Variants in ATG10 observed in about 807,000 individuals in gnomAD.
ATG10 encodes autophagy related 10.
ATG10 carries 30 observed loss-of-function variants against 32.1 expected under a neutral mutation model. The ratio of observed to expected loss-of-function variants is 0.94; its 90% CI spans 0.70 to 1.27. ATG10 has a LOEUF of 1.27. Among genes scored for constraint, ATG10 ranks in the 50% most tolerant of loss-of-function variants. ATG10 has a pLI of 0.00. For missense variants in ATG10, 233 were observed against 262.3 expected (o/e 0.89, Z 0.77); for synonymous variants, 87 against 91.5 (o/e 0.95, Z 0.28).
intron 5 of ATG10, among the ~76,000 whole-genome samples, chr5:82,231,316 T>G (rs1443509258): frequency 6.6e-6 from 1 of 152,226 alleles, no homozygotes; most frequent in African/African-American, 2.4e-5. Flanking sequence ...TAGACTATAC[T>G]TTTTAAAAAT....
chr5:82,231,425 A>C (rs1432442673), intron 5 of ATG10, among the ~76,000 whole-genome samples: 5 of 152,182 alleles, frequency 3.3e-5, no homozygotes, highest in African/African-American at 1.2e-4. Flanking sequence ...TGTCTCCCCT[A>C]ATACCTTACT....
At chr5:82,136,756 C>G (rs141127842) in intron 3 of ATG10, among the ~76,000 whole-genome samples, 1,790 of 152,156 alleles carry the variant, frequency 0.012, 19 homozygotes, top group African/African-American at 0.04. Flanking sequence ...GAGTGTTGGC[C>G]TGTTTTGCTA....
intron 3 of ATG10, among the ~76,000 whole-genome samples, chr5:82,162,776 C>T (rs1206824674): frequency 3.1e-5 from 4 of 128,574 alleles, no homozygotes; most frequent in Non-Finnish European, 6.1e-5. Context: ...GCAGGATGCC[C>T]ACGAGTGAAA....
chr5:82,138,979 A>C (rs1339305027), intron 3 of ATG10, among the ~76,000 whole-genome samples: 4 of 150,006 alleles, frequency 2.7e-5, no homozygotes, highest in Non-Finnish European at 5.9e-5. Context: ...CAGTCTGCCA[A>C]ATGCCTGCGA....
chr5:82,246,551 A>G (rs1345115178), intron 5 of ATG10, among the ~76,000 whole-genome samples: 1 of 150,914 alleles, frequency 6.6e-6, no homozygotes, highest in Non-Finnish European at 1.5e-5. Flanking sequence ...AAGAAAAAAA[A>G]TTATTTAAAA....
chr5:82,000,953 G>A lies in ATG10; in HGVS notation c.108+13275G>A, dbSNP rs374765846. Among the ~76,000 whole-genome samples, 102 of 152,144 alleles carry A rather than the reference G, an allele frequency of 6.7e-4. 1 individual carries two copies. The highest frequency in any genetic ancestry group is 2.4e-3 in the African/African-American group (99 of 41,518). On this transcript the variant is annotated intron_variant, in intron 2 of 7. Coordinates refer to ENST00000282185, the MANE Select transcript of ATG10 (RefSeq NM_031482.5). ...ATTACAGGTGTGAGCCACTGCACCC[G>A]GCCAAAAATCAGTAGCATTTCTATG...
chr5:82,186,089 C>G (rs370660669), intron 5 of ATG10, among the ~76,000 whole-genome samples: 2 of 152,128 alleles, frequency 1.3e-5, no homozygotes, highest in Admixed American at 6.5e-5. Context: ...TCTTAAATGA[C>G]GAGAAAATTA....
At chr5:82,025,988 AC>A (rs1762582774) in intron 2 of ATG10, among the ~76,000 whole-genome samples, 1 of 152,232 alleles carries the variant, frequency 6.6e-6, no homozygotes, top group Non-Finnish European at 1.5e-5. Flanking sequence ...TTGGTAAAAA[AC>A]ATGACAACTC....
intron 5 of ATG10, among the ~76,000 whole-genome samples, chr5:82,231,286 A>T (rs1395611753): frequency 6.6e-6 from 1 of 152,252 alleles, no homozygotes; most frequent in Non-Finnish European, 1.5e-5. Flanking sequence ...TAAGAAATTG[A>T]TATGATCAGG....
intron 3 of ATG10, among the ~76,000 whole-genome samples, chr5:82,100,572 C>G (rs1454021605): frequency 6.6e-6 from 1 of 152,034 alleles, no homozygotes; most frequent in Non-Finnish European, 1.5e-5. Context: ...CTAGCATCCC[C>G]AGAGCATTCA....
intron 2 of ATG10, among the ~76,000 whole-genome samples, chr5:82,027,075 A>T (rs1014129545): frequency 1.4e-5 from 2 of 144,720 alleles, no homozygotes; most frequent in African/African-American, 2.6e-5. Flanking sequence ...ATGAATAAAT[A>T]AAATAAATAA....
At chr5:81,975,713 A>G (rs908471744) in intron 1 of ATG10, among the ~76,000 whole-genome samples, 1 of 151,030 alleles carries the variant, frequency 6.6e-6, no homozygotes, top group African/African-American at 2.4e-5. Context: ...ACCTCTCAGG[A>G]TGATTTGGGG....
intron 1 of ATG10, among the ~76,000 whole-genome samples, chr5:81,983,506 G>T (rs1158780717): frequency 6.9e-6 from 1 of 145,200 alleles, no homozygotes; most frequent in Non-Finnish European, 1.5e-5. Context: ...TGGCCGGGCG[G>T]GGGGCTGACC....
chr5:82,071,603 T>G (rs1764135117), intron 3 of ATG10, among the ~76,000 whole-genome samples: 1 of 152,124 alleles, frequency 6.6e-6, no homozygotes, highest in African/African-American at 2.4e-5. Flanking sequence ...TATTATACCT[T>G]GGGTCCTTGG....
intron 3 of ATG10, among the ~76,000 whole-genome samples, chr5:82,158,353 C>A (rs1003527555): frequency 6.6e-6 from 1 of 150,792 alleles, no homozygotes; most frequent in African/African-American, 2.4e-5. Context: ...CAGCTGCCCC[C>A]CCGCCCCCCA....
chr5:82,204,997 T>A (rs1203595452), intron 5 of ATG10, among the ~76,000 whole-genome samples: 1 of 152,192 alleles, frequency 6.6e-6, no homozygotes, highest in Non-Finnish European at 1.5e-5. Flanking sequence ...AAGCATATCA[T>A]CATTTAAAAG....
At chr5:82,026,157 G>A (rs952191556) in intron 2 of ATG10, among the ~76,000 whole-genome samples, 1 of 151,906 alleles carries the variant, frequency 6.6e-6, no homozygotes, top group Non-Finnish European at 1.5e-5. Flanking sequence ...ATTTCCTCCA[G>A]CCCCTGGCAA....
intron 2 of ATG10, among the ~76,000 whole-genome samples, chr5:82,016,824 G>T (rs1762299550): frequency 6.6e-6 from 1 of 151,988 alleles, no homozygotes; most frequent in Admixed American, 6.6e-5. Context: ...AAGTAGCTGG[G>T]ACTGTAGGCG....
At chr5:82,012,689 C>T (rs928317356) in intron 2 of ATG10, among the ~76,000 whole-genome samples, 9 of 152,062 alleles carry the variant, frequency 5.9e-5, no homozygotes, top group African/African-American at 2.2e-4. Context: ...CAGGGTCTCA[C>T]TGTGTCATCC....
Sources: gnomAD v4.1 joint callset for allele counts (sites outside exome capture counted in the v4.1 genomes callset) on GRCh38, gnomAD v4.1.1 for gene constraint, MANE v1.5 for transcripts, NCBI Gene and HGNC (gene_info 2026-07-23, HGNC 2026-07-21) for gene names.